ADGRF5: variants seen among roughly 807,000 people sequenced by gnomAD.
ADGRF5 encodes G-protein coupled receptor 116.
ADGRF5 carries 75 observed loss-of-function variants against 132.3 expected under a neutral mutation model. The observed-to-expected ratio is 0.57, with a 90% CI of 0.47 to 0.69. ADGRF5 has a LOEUF of 0.69. Among genes scored for constraint, ADGRF5 ranks in the 30% least tolerant of loss-of-function variants. ADGRF5 has a pLI of 0.00. For synonymous variants in ADGRF5, 629 were observed against 597.6 expected, an observed-to-expected ratio of 1.05 and a Z score of -0.77; for missense variants, 1,516 against 1,630.6, an observed-to-expected ratio of 0.93 and a Z score of 1.21.
intron 19 of ADGRF5, 134 bp from the exon 20 acceptor site, chr6:46,856,192 A>G: frequency 1.6e-6 from 1 of 609,686 alleles, no homozygotes. Context: ...CAGAGGTCAC[A>G]TTAAAATACT....
At chr6:46,933,433 TC>T (rs1392711034) in intron 1 of ADGRF5, among the ~76,000 whole-genome samples, 4 of 152,174 alleles carry the variant, frequency 2.6e-5, no homozygotes, top group African/African-American at 9.7e-5. Flanking sequence ...TCTCCCCAGG[TC>T]CAAGTTGTGG....
intron 10 of ADGRF5, among the ~76,000 whole-genome samples, chr6:46,875,064 C>T (rs1430745729): frequency 2.0e-5 from 3 of 152,180 alleles, no homozygotes; most frequent in Admixed American, 6.5e-5. Context: ...AAAATGGATT[C>T]TACTGTTAAC....
chr6:46,946,904 T>C (rs1021770180), intron 1 of ADGRF5, among the ~76,000 whole-genome samples: 11 of 152,202 alleles, frequency 7.2e-5, no homozygotes, highest in Non-Finnish European at 1.6e-4. Context: ...ACCATAAAGA[T>C]GTCTCTGGGG....
In ADGRF5 at chr6:46,853,440, A is replaced by C. The variant is rs2150767068; in HGVS notation, c.*552T>G. On this transcript the variant is annotated 3_prime_UTR_variant, in exon 21 of 21. Transcript: ENST00000283296. Reference sequence around the variant, plus strand: ...AAAAAAAATTCTCAATGTTGCACTGAGTGATTATATTAGATCATTAACATG... The same window carrying C: ...AAAAAAAATTCTCAATGTTGCACTGCGTGATTATATTAGATCATTAACATG... 6.6e-6 allele frequency: 1 copy of C among 152,140 alleles called. No individual in the cohort carries two copies. The allele number at this position is 152,140 out of a possible 1,614,324, so 9.4% of individuals were successfully genotyped here.
rs1276280646 is a variant in ADGRF5, at chr6:46,935,060, G to A, written c.-25+19674C>T. ...GCTCTGTTGCCCAGGCTGGAATGCA[G>A]TAGTGTGATCTTGGCTCACTGCAAC... On this transcript the variant is annotated intron_variant, in intron 1 of 20. Coordinates refer to the ADGRF5 transcript ENST00000265417. 5.2e-5 allele frequency among the ~76,000 whole-genome samples: 7 copies of A among 134,608 alleles called. No individual in the cohort carries two copies. In the East Asian group the frequency reaches 1.6e-3, roughly 30 times the overall value. 88.3% of individuals were successfully genotyped at this position (134,608 alleles called of 152,430 possible). A position where few individuals can be genotyped will look rare whatever the true frequency, so the allele number is the denominator to read the frequency against.
intron 10 of ADGRF5, among the ~76,000 whole-genome samples, chr6:46,873,146 G>A (rs220676): frequency 0.35 from 53,097 of 151,762 alleles, 11,421 homozygotes; most frequent in East Asian, 0.53. Context: ...TCCTCACCCT[G>A]TGTCTTTAAT....
chr6:46,868,965 G>T lies in ADGRF5; in HGVS notation c.1539C>A (p.Tyr513Ter). The T allele has an allele frequency of 6.2e-7, 1 of 1,612,196 alleles. No individual in the cohort carries two copies. Among genetic ancestry groups the T allele is most frequent in the Non-Finnish European group, 8.5e-7 (1 of 1,178,348 alleles). Residue 513 changes from tyrosine to a stop codon, truncating the protein, a stop_gained, in exon 12 of 21, where the codon TAC becomes TAA. Coordinates refer to ENST00000283296, the MANE Select transcript of ADGRF5 (RefSeq NM_001098518.2). LOFTEE classifies it high-confidence loss of function. ...YWNTSAGIKI[Y>*]QRFYTTRRYL... ...ACCTCCTCGTGGTATAAAATCTTTG[G>T]TATATTTTAATTCCAGCAGAAGTGT...
chr6:46,941,411 G>GAAAAGAAAAGAAAAGAA lies in ADGRF5; in HGVS notation c.-25+13306_-25+13322dup, dbSNP rs1561838659. On this transcript the variant is annotated intron_variant, in intron 1 of 20. Coordinates refer to the ADGRF5 transcript ENST00000265417. ...ACAAAGAAAAGAAAAGAAAAGAAAA[G>GAAAAGAAAAGAAAAGAA]AAAAGAAAAGAAAAGAAAAGAAAAG... Among the ~76,000 whole-genome samples the GAAAAGAAAAGAAAAGAA allele has an allele frequency of 1.5e-3, 49 of 33,260 alleles. 1 individual carries two copies. Among genetic ancestry groups the GAAAAGAAAAGAAAAGAA allele is most frequent in the African/African-American group, 3.9e-3 (28 of 7,246 alleles). 21.8% of individuals were successfully genotyped at this position (33,260 alleles called of 152,430 possible). A position where few individuals can be genotyped will look rare whatever the true frequency, so the allele number is the denominator to read the frequency against.
At chr6:46,911,027 C>A (rs549980378) in intron 1 of ADGRF5, among the ~76,000 whole-genome samples, 1 of 152,288 alleles carries the variant, frequency 6.6e-6, no homozygotes, top group East Asian at 1.9e-4. Context: ...TTGCATTTAT[C>A]TCACCACTTC....
chr6:46,935,616 G>A (rs1777781090), intron 1 of ADGRF5, among the ~76,000 whole-genome samples: 1 of 152,198 alleles, frequency 6.6e-6, no homozygotes, highest in Non-Finnish European at 1.5e-5. Flanking sequence ...GGAAGGCCAC[G>A]TGAATCCGAT....
intron 14 of ADGRF5, among the ~76,000 whole-genome samples, chr6:46,863,935 G>A: frequency 6.6e-6 from 1 of 152,230 alleles, no homozygotes; most frequent in East Asian, 1.9e-4. Context: ...GCGTGGAAAG[G>A]TCAGGTGAAA....
intron 4 of ADGRF5, 108 bp downstream of exon 4, chr6:46,888,227 C>T (rs1581859632): frequency 1.3e-6 from 1 of 748,040 alleles, no homozygotes; most frequent in East Asian, 2.5e-5. Flanking sequence ...CTCGGTGAGT[C>T]ATTTCACTTG....
intron 10 of ADGRF5, among the ~76,000 whole-genome samples, chr6:46,877,330 T>C (rs71566598): frequency 0.71 from 68,182 of 95,984 alleles, 21,893 homozygotes; most frequent in Non-Finnish European, 0.75. Flanking sequence ...TCCTTCTTTC[T>C]TTCTTTCTTT....
chr6:46,925,927 T>G (rs1199136740), upstream of ADGRF5, among the ~76,000 whole-genome samples: 1 of 152,232 alleles, frequency 6.6e-6, no homozygotes, highest in Non-Finnish European at 1.5e-5. Context: ...TATTTTCTTT[T>G]ATTTTTTAAG....
At position 46,953,649 on chromosome 6, in the gene ADGRF5, G is replaced by GTATATATATA. The variant is rs1408461844; in HGVS notation, c.-25+1084_-25+1085insTATATATATA. Among the ~76,000 whole-genome samples, 52 of 91,482 alleles carry GTATATATATA rather than the reference G, an allele frequency of 5.7e-4. 2 individuals are homozygous for GTATATATATA. The highest frequency in any genetic ancestry group is 2.2e-3 in the African/African-American group (49 of 21,792). The allele number at this position is 91,482 out of a possible 152,430, so 60.0% of individuals were successfully genotyped here. On this transcript the variant is annotated intron_variant, in intron 1 of 20. Transcript: ENST00000265417. Reference sequence around the variant, plus strand: ...AAAAATTATATATATATAGATATATGTGTATATATATATATATATATATAT... The same window carrying GTATATATATA: ...AAAAATTATATATATATAGATATATGTATATATATATGTATATATATATATATATATATAT...
At chr6:46,944,321 T>C (rs1778214444) in intron 1 of ADGRF5, among the ~76,000 whole-genome samples, 1 of 152,220 alleles carries the variant, frequency 6.6e-6, no homozygotes, top group South Asian at 2.1e-4. Context: ...CAAGAAGAAG[T>C]GGAGCTCAGG....
chr6:46,899,202 G>A (rs1212856123), intron 3 of ADGRF5, among the ~76,000 whole-genome samples: 1 of 152,086 alleles, frequency 6.6e-6, no homozygotes, highest in East Asian at 1.9e-4. Context: ...ATAAACAAAG[G>A]GGGATGATGG....
Position 46,860,893 on chromosome 6 carries a change from G to A in ADGRF5, c.2201C>T (p.Ala734Val). ...PINSLLQMAK[A>V]LIKSPSQDEM... is the part of the protein sequence containing the mutation. ...ATCCTGAGAGGGGCTCTTGATCAAA[G>A]CCTAGTAAAACAAAAGCCAACACAA... The change falls in exon 16 of 21, where the codon GCT (alanine) becomes GTT (valine). Residue 734 changes from alanine (A) to valine (V), a missense_variant and splice_region_variant. Ala to Val is a moderately conservative substitution (Grantham distance 64, BLOSUM62 0). This residue lies in a region of ADGRF5 where 945 missense variants were observed against 929.4 expected (regional missense o/e 1.02). Coordinates refer to ENST00000283296, the MANE Select transcript of ADGRF5 (RefSeq NM_001098518.2). 6.3e-7 allele frequency: 1 copy of A among 1,591,194 alleles called. No individual in the cohort carries two copies.
chr6:46,919,514 C>T (rs1283520689), intron 1 of ADGRF5, among the ~76,000 whole-genome samples: 1 of 152,082 alleles, frequency 6.6e-6, no homozygotes, highest in African/African-American at 2.4e-5. Context: ...GAGGTGGGAC[C>T]CCATGGGATA....
Sources: allele counts gnomAD v4.1 joint callset (sites outside exome capture counted in the v4.1 genomes callset), GRCh38; gene constraint gnomAD v4.1.1; regional missense constraint gnomAD v4.1.1; transcripts MANE v1.5; gene names NCBI Gene and HGNC (gene_info 2026-07-23, HGNC 2026-07-21).